Variants in LILRA4 observed in about 807,000 individuals in gnomAD.
The protein encoded by LILRA4 is leukocyte immunoglobulin like receptor A4.
LILRA4 carries 51 observed loss-of-function variants against 49.5 expected under a neutral mutation model. The ratio of observed to expected loss-of-function variants is 1.03; its 90% CI spans 0.82 to 1.30. The LOEUF (loss-of-function observed/expected upper bound fraction) is 1.30, where lower values mean the gene tolerates loss of function less well. LILRA4 is among the 50% of genes most tolerant of loss of function. LILRA4 has a pLI of 0.00. For missense variants in LILRA4, 624 were observed against 625.6 expected, an observed-to-expected ratio of 1.00 and a Z score of 0.03; for synonymous variants, 272 against 265.6, an observed-to-expected ratio of 1.02 and a Z score of -0.23.
chr19:54,337,318 C>G (rs113109589), intron 5 of LILRA4, 82 bp downstream of exon 5: 348,524 of 1,489,762 alleles, frequency 0.23, 18,732 homozygotes, highest in Middle Eastern at 0.29. Context: ...CACCCCTCAT[C>G]CCGGCCATCA....
In LILRA4 at chr19:54,338,844, G is replaced by A. The variant is rs1360151148; in HGVS notation, c.70+22C>T. 6 of 1,614,010 alleles carry A rather than the reference G, an allele frequency of 3.7e-6. No homozygotes were observed. The South Asian group carries it at 4.4e-5, about 12-fold the overall frequency. On this transcript the variant is annotated intron_variant, in intron 2 of 7. Coordinates refer to ENST00000291759, the MANE Select transcript of LILRA4 (RefSeq NM_012276.5). ...GTCCCCAGAGAGGAGGAGGGACCTA[G>A]GACAGCTGGGGACAGACTCACCTGC...
chr19:54,337,831 CT>C, intron 4 of LILRA4, 104 bp downstream of exon 4: 1 of 1,450,312 alleles, frequency 6.9e-7, no homozygotes, highest in East Asian at 2.4e-5. Context: ...GGGCCCCCAT[CT>C]TCCCCTCATC....
At chr19:54,338,258 C>G (rs752607584) in intron 3 of LILRA4, 23 bp from the exon 4 acceptor site, 1 of 1,597,646 alleles carries the variant, frequency 6.3e-7, no homozygotes, top group African/African-American at 1.3e-5. Context: ...AAAAAGGCAG[C>G]CGTGTTTAAA....
At position 54,337,729 on chromosome 19, in the gene LILRA4, G is replaced by T. The variant is rs368702375; in HGVS notation, c.656-33C>A. On this transcript the variant is annotated intron_variant, in intron 4 of 7. Transcript: ENST00000291759. ...GAAAGATGAGTTGGGACTCGGAGCG[G>T]CTGGTTCCTCCTGCGCCCCTTCCTT... 2.9e-4 allele frequency: 463 copies of T among 1,597,332 alleles called. 1 individual carries two copies. The Middle Eastern group carries it at 5.7e-3, about 20-fold the overall frequency.
Position 54,336,914 on chromosome 19 carries a change from C to A in LILRA4, c.1182G>T (p.Arg394Ser). 6.2e-7 allele frequency: 1 copy of A among 1,614,202 alleles called. No individual in the cohort carries two copies. The highest frequency in any genetic ancestry group is 8.5e-7 in the Non-Finnish European group (1 of 1,180,036). The change falls in exon 6 of 8, where the codon AGG (arginine) becomes AGT (serine). Residue 394 changes from arginine (R) to serine (S), a missense_variant. By Grantham distance (110) the Arg-to-Ser change is moderately radical (BLOSUM62 -1). Transcript: ENST00000291759. ...PVTSAHAGTY[R>S]CYGSRSSNPY... ...GGTTGGAGCTGCGTGAGCCGTAGCACCTGTAGGTCCCCGCGTGGGCTGAGG... is the reference window on the plus strand; with the variant it reads ...GGTTGGAGCTGCGTGAGCCGTAGCAACTGTAGGTCCCCGCGTGGGCTGAGG...
At chr19:54,338,259 C>A (rs758203709) in intron 3 of LILRA4, 24 bp from the exon 4 acceptor site, 1 of 1,597,796 alleles carries the variant, frequency 6.3e-7, no homozygotes, top group Non-Finnish European at 8.5e-7. Flanking sequence ...AAAAGGCAGC[C>A]GTGTTTAAAT....
In LILRA4 at chr19:54,337,386, G is replaced by A. The variant is rs375423203; in HGVS notation, c.952+14C>T. The A allele has an allele frequency of 9.7e-5, 156 of 1,610,340 alleles. No homozygotes were observed. The highest frequency in any genetic ancestry group is 6.8e-4 in the Middle Eastern group (3 of 4,438). Reference sequence around the variant, plus strand: ...AGCCTGGGTCCCCCTGACTGAACCCGCTGGGCTCCTCACCTGCGATCAGGA... The same window carrying A: ...AGCCTGGGTCCCCCTGACTGAACCCACTGGGCTCCTCACCTGCGATCAGGA... On this transcript the variant is annotated intron_variant, in intron 5 of 7. Coordinates refer to ENST00000291759, the MANE Select transcript of LILRA4 (RefSeq NM_012276.5).
Position 54,338,852 on chromosome 19 carries a change from G to T in LILRA4, c.70+14C>A, listed in dbSNP as rs1443852083. 2.5e-6 allele frequency: 4 copies of T among 1,612,252 alleles called. No individual in the cohort carries two copies. The African/African-American group carries it at 5.4e-5, about 22-fold the overall frequency. ...AGAGGAGGAGGGACCTAGGACAGCT[G>T]GGGACAGACTCACCTGCCTGCACCC... On this transcript the variant is annotated intron_variant, in intron 2 of 7. Transcript: ENST00000291759.
At chr19:54,337,876 G>T in intron 4 of LILRA4, 60 bp downstream of exon 4, 1 of 1,542,330 alleles carries the variant, frequency 6.5e-7, no homozygotes, top group Non-Finnish European at 8.8e-7. Context: ...CGAGGGTAAG[G>T]CTCCCAACAG....
In LILRA4 at chr19:54,338,498, T is replaced by TA; in HGVS notation, c.252_253insT (p.Ile85TyrfsTer72). On this transcript the variant is annotated frameshift_variant, in exon 3 of 8. Transcript: ENST00000291759. LOFTEE classifies it high-confidence loss of function. ...GCATGTTCCCACATCATGGATGGGA[T>TA]GGAGAGTTTGACCTTGTTTTCAGAC... The TA allele has an allele frequency of 6.2e-7, 1 of 1,614,042 alleles. No individual in the cohort carries two copies. Among genetic ancestry groups the TA allele is most frequent in the South Asian group, 1.1e-5 (1 of 91,088 alleles).
At position 54,337,010 on chromosome 19, in the gene LILRA4, A is replaced by T; in HGVS notation, c.1086T>A (p.His362Gln). The T allele has an allele frequency of 2.5e-6, 4 of 1,614,042 alleles. No individual in the cohort carries two copies. Among genetic ancestry groups the T allele is most frequent in the Non-Finnish European group, 2.5e-6 (3 of 1,179,978 alleles). Reference protein sequence around the residue: ...TFLLTKEGAAHPPLRLRSMYG... With the variant: ...TFLLTKEGAAQPPLRLRSMYG... ...ACATTGATCTCAGACGCAACGGGGG[A>T]TGGGCTGCCCCCTCCTTGGTCAGAA... The change falls in exon 6 of 8, where the codon CAT (histidine) becomes CAA (glutamine). Residue 362 changes from histidine to glutamine, a missense_variant. Physicochemically the swap from His to Gln is conservative, Grantham distance 24. Transcript: ENST00000291759.
Position 54,338,073 on chromosome 19 carries a change from T to A in LILRA4, c.518A>T (p.His173Leu), listed in dbSNP as rs113518545. The A allele has an allele frequency of 6.2e-7, 1 of 1,614,068 alleles. No homozygotes were observed. The highest frequency in any genetic ancestry group is 1.1e-5 in the South Asian group (1 of 91,070). ...GGGGAACAGGGCCTGGAACTTTCCA[T>A]GGTTGTGTTGGTGTGAGTTCAGGGT... ...SWTLNSHQHN[H>L]GKFQALFPMG... The change falls in exon 4 of 8, where the codon CAT becomes CTT. Residue 173 changes from histidine to leucine, a missense_variant. Physicochemically the swap from His to Leu is moderately conservative, Grantham distance 99 (BLOSUM62 -3). Transcript: ENST00000291759.
rs200162955 is a variant in LILRA4 at position 54,333,649 on chromosome 19, G to C, written c.1423C>G (p.Pro475Ala). Residue 475 changes from proline (P) to alanine (A), a missense_variant, in exon 8 of 8, where the codon CCA becomes GCA. Pro to Ala is a conservative substitution (Grantham distance 27). Transcript: ENST00000291759. ...FEAQHSQRSPPRCSQEANSRK... is the reference protein window; with the variant it reads ...FEAQHSQRSPARCSQEANSRK... ...CTGTTTGCCTCCTGGCTGCACCTTG[G>C]GGGGCTTCTCTGGCTGTGCTGAGCC... is the stretch of plus-strand genomic sequence containing the variant. 35 of 1,614,074 alleles carry C rather than the reference G, an allele frequency of 2.2e-5. No individual in the cohort carries two copies. The highest frequency in any genetic ancestry group is 9.9e-5 in the South Asian group (9 of 91,086).
At chr19:54,334,147 G>C in intron 6 of LILRA4, 182 bp from the exon 7 acceptor site, 1 of 573,918 alleles carries the variant, frequency 1.7e-6, no homozygotes, top group South Asian at 2.4e-5. Flanking sequence ...CTGTGCTCTG[G>C]GAATTCAGAT....
chr19:54,337,563 G>T lies in LILRA4; in HGVS notation c.789C>A (p.Leu263=), dbSNP rs2081342142. The change falls in exon 5 of 8, where the codon CTC becomes CTA. Residue 263 remains leucine, a synonymous_variant. Coordinates refer to ENST00000291759, the MANE Select transcript of LILRA4 (RefSeq NM_012276.5). ...YTLYKEGADG[L]PQRPGRQPQA... is the part of the protein sequence containing the mutation. ...GGGGCTGCCGGCCAGGGCGCTGGGGGAGGCCATCGGCCCCCTCCTTGTACA... is the reference window on the plus strand; with the variant it reads ...GGGGCTGCCGGCCAGGGCGCTGGGGTAGGCCATCGGCCCCCTCCTTGTACA... 1 of 1,613,378 alleles carries T rather than the reference G, an allele frequency of 6.2e-7. No homozygotes were observed. Among genetic ancestry groups the T allele is most frequent in the Non-Finnish European group, 8.5e-7 (1 of 1,179,938 alleles).
intron 1 of LILRA4, 67 bp downstream of exon 1, chr19:54,338,993 A>G (rs1040786374): frequency 6.2e-7 from 1 of 1,609,790 alleles, no homozygotes. Context: ...TAATTGACTA[A>G]GGCATGGCTA....
intron 6 of LILRA4, 73 bp from the exon 7 acceptor site, chr19:54,334,038 C>G: frequency 8.3e-7 from 1 of 1,205,544 alleles, no homozygotes; most frequent in Non-Finnish European, 1.2e-6. Flanking sequence ...TTCTTATATT[C>G]CTCCACCTCT....
chr19:54,333,376 T>C lies in LILRA4; in HGVS notation c.*196A>G, dbSNP rs2081290497. On this transcript the variant is annotated 3_prime_UTR_variant, in exon 8 of 8. Transcript: ENST00000291759. Reference sequence around the variant, plus strand: ...ACCATAGGGGTGAAGCCTTACATCATAGGGAAGAAAAACGAAGGAAGGGGC... The same window carrying C: ...ACCATAGGGGTGAAGCCTTACATCACAGGGAAGAAAAACGAAGGAAGGGGC... 1 of 624,722 alleles carries C rather than the reference T, an allele frequency of 1.6e-6. No individual in the cohort carries two copies. The highest frequency in any genetic ancestry group is 2.1e-5 in the South Asian group (1 of 48,064). 38.7% of individuals were successfully genotyped at this position (624,722 alleles called of 1,614,324 possible).
Position 54,337,478 on chromosome 19 carries a change from G to C in LILRA4, c.874C>G (p.Gln292Glu). The change falls in exon 5 of 8, where the codon CAG becomes GAG. Residue 292 changes from glutamine to glutamate, a missense_variant. Physicochemically the swap from Gln to Glu is conservative, Grantham distance 29. Transcript: ENST00000291759. ...TTGTGTGCGCCGTAGCATCTGTACT[G>C]GCCCCCGTAGGAGCGGCTCACAGGG... The part of the protein sequence containing the change: ...LSPVSRSYGG[Q>E]YRCYGAHNVS... 1.2e-6 allele frequency: 2 copies of C among 1,612,194 alleles called. No individual in the cohort carries two copies. The highest frequency in any genetic ancestry group is 2.2e-5 in the South Asian group (2 of 91,012).
Sources: gnomAD v4.1 joint callset for allele counts on GRCh38, gnomAD v4.1.1 for gene constraint, MANE v1.5 for transcripts, NCBI Gene and HGNC (gene_info 2026-07-23, HGNC 2026-07-21) for gene names.